SFSWAP: variants seen among roughly 807,000 people sequenced by gnomAD.
The protein encoded by SFSWAP is splicing factor, suppressor of white-apricot homolog.
A neutral mutation model predicts 100.7 loss-of-function variants in SFSWAP; 17 were observed. The observed-to-expected ratio is 0.17, with a 90% CI of 0.12 to 0.25. SFSWAP has a LOEUF of 0.25. Ranked by LOEUF, SFSWAP falls within the 10% of genes least tolerant of loss-of-function variation. SFSWAP has a pLI of 1.00. For missense variants in SFSWAP, 1,005 were observed against 1,262.6 expected (o/e 0.80, Z 3.09); for synonymous variants, 504 against 510.1 (o/e 0.99, Z 0.16).
intron 14 of SFSWAP, among the ~76,000 whole-genome samples, chr12:131,779,952 A>G (rs1397347547): frequency 1.3e-5 from 2 of 151,974 alleles, no homozygotes; most frequent in African/African-American, 2.4e-5. Flanking sequence ...ACGCCCAGCT[A>G]ATTTTGTTTT....
At chr12:131,738,375 A>G (rs926933190) in intron 7 of SFSWAP, among the ~76,000 whole-genome samples, 1 of 152,252 alleles carries the variant, frequency 6.6e-6, no homozygotes, top group Non-Finnish European at 1.5e-5. Flanking sequence ...CACTGAGGTC[A>G]TCGTGCTAAA....
At chr12:131,797,057 C>A in intron 15 of SFSWAP, 121 bp from the exon 16 acceptor site, 1 of 795,994 alleles carries the variant, frequency 1.3e-6, no homozygotes, top group Non-Finnish European at 2.1e-6. Context: ...TGGAGTGGTT[C>A]CGTCCCTGAA....
intron 7 of SFSWAP, among the ~76,000 whole-genome samples, chr12:131,739,131 G>A (rs1325474634): frequency 6.6e-6 from 1 of 151,868 alleles, no homozygotes; most frequent in Non-Finnish European, 1.5e-5. Context: ...ACCCACCTTG[G>A]CCTCCCAAAG....
At chr12:131,798,442 G>C (rs913328194) in intron 16 of SFSWAP, among the ~76,000 whole-genome samples, 5 of 152,186 alleles carry the variant, frequency 3.3e-5, no homozygotes, top group Admixed American at 2.6e-4. Flanking sequence ...TTCTGGGAAG[G>C]CTCCACCGTT....
chr12:131,798,389 C>T (rs950840751), intron 16 of SFSWAP, among the ~76,000 whole-genome samples: 2 of 152,156 alleles, frequency 1.3e-5, no homozygotes, highest in Non-Finnish European at 2.9e-5. Context: ...AGCACACAGA[C>T]GCCTCATGCA....
intron 7 of SFSWAP, among the ~76,000 whole-genome samples, chr12:131,746,797 T>C (rs1452334802): frequency 1.3e-5 from 2 of 152,174 alleles, no homozygotes; most frequent in Admixed American, 1.3e-4. Flanking sequence ...TGCAGGAGCC[T>C]TTGCTGCCAT....
Position 131,725,527 on chromosome 12 carries a change from G to A in SFSWAP, c.729G>A (p.Leu243=), listed in dbSNP as rs1413585108. The part of the protein sequence containing the change: ...KQARNSQFDF[L]RFDHYLNPYY... The stretch of plus-strand genomic sequence containing the variant: ...CCCGGAACTCCCAGTTTGACTTTCT[G>A]CGCTTCGACCACTACCTCAACCCCT... The change falls in exon 5 of 18, where the codon CTG becomes CTA. Residue 243 remains leucine (L), a synonymous_variant. Coordinates refer to ENST00000261674, the MANE Select transcript of SFSWAP (RefSeq NM_004592.4). The surrounding 1 kb of genome is among the most constrained non-coding windows in gnomAD (Gnocchi z 4.3). 10 of 1,614,028 alleles carry A rather than the reference G, an allele frequency of 6.2e-6. No individual in the cohort carries two copies. The East Asian group carries it at 2.2e-4, about 36-fold the overall frequency.
chr12:131,779,341 C>T (rs1278214038), intron 14 of SFSWAP, among the ~76,000 whole-genome samples: 1 of 151,206 alleles, frequency 6.6e-6, no homozygotes, highest in East Asian at 2.0e-4. Flanking sequence ...CTCCACCCTC[C>T]CTCCAGGAGT....
At position 131,711,521 on chromosome 12, in the gene SFSWAP, G is replaced by A. The variant is rs1303655182; in HGVS notation, c.218+74G>A. 3.1e-6 allele frequency: 4 copies of A among 1,271,686 alleles called. No individual in the cohort carries two copies. The highest frequency in any genetic ancestry group is 1.2e-5 in the South Asian group (1 of 80,562). The allele number at this position is 1,271,686 out of a possible 1,614,324, so 78.8% of individuals were successfully genotyped here. A position where few individuals can be genotyped will look rare whatever the true frequency, so the allele number is the denominator to read the frequency against. Reference sequence around the variant, plus strand: ...GATCTCGTCTGATGTTGACTTGACTGCAAGGACTGCAGAGAGTTTTCTGGA... The same window carrying A: ...GATCTCGTCTGATGTTGACTTGACTACAAGGACTGCAGAGAGTTTTCTGGA... On this transcript the variant is annotated intron_variant, in intron 1 of 17. Coordinates refer to ENST00000261674, the MANE Select transcript of SFSWAP (RefSeq NM_004592.4). The surrounding 1 kb of genome is among the most constrained non-coding windows in gnomAD (Gnocchi z 4.9).
At chr12:131,755,879 G>A (rs1051961922) in intron 10 of SFSWAP, among the ~76,000 whole-genome samples, 7 of 152,224 alleles carry the variant, frequency 4.6e-5, no homozygotes, top group African/African-American at 1.7e-4. Flanking sequence ...GCTGGTGCTG[G>A]GGGTGTCCTG....
At chr12:131,741,441 G>A (rs1593135339) in intron 7 of SFSWAP, among the ~76,000 whole-genome samples, 1 of 152,154 alleles carries the variant, frequency 6.6e-6, no homozygotes, top group East Asian at 1.9e-4. Context: ...GTCAAGACCA[G>A]GCTGGGCAAC....
intron 13 of SFSWAP, 91 bp from the exon 14 acceptor site, chr12:131,777,974 G>C (rs1279307512): frequency 6.6e-7 from 1 of 1,523,150 alleles, no homozygotes; most frequent in Middle Eastern, 1.8e-4. Context: ...GTGTTTGTTG[G>C]TGTGAGGGGC....
chr12:131,779,089 G>A (rs765704938), intron 14 of SFSWAP, among the ~76,000 whole-genome samples: 6 of 149,126 alleles, frequency 4.0e-5, no homozygotes, highest in Non-Finnish European at 1.5e-5. Flanking sequence ...CACCGGCACC[G>A]CACTCTGCAC....
chr12:131,736,383 A>G (rs1181738822), intron 7 of SFSWAP, among the ~76,000 whole-genome samples: 2 of 152,212 alleles, frequency 1.3e-5, no homozygotes, highest in Non-Finnish European at 2.9e-5. Context: ...GCCAGCAGTT[A>G]TATTCAATTA....
In SFSWAP at chr12:131,771,650, CTTT is replaced by C. The variant is rs398021691; in HGVS notation, c.2142+5362_2142+5364del. 9.8e-3 allele frequency among the ~76,000 whole-genome samples: 842 copies of C among 86,112 alleles called. 4 individuals carry two copies. The highest frequency in any genetic ancestry group is 0.028 in the African/African-American group (695 of 24,416). 56.5% of individuals were successfully genotyped at this position (86,112 alleles called of 152,430 possible). ...ACACTGAGTCATTTTGCTAATGTCT[CTTT>C]TTTTTTTTTTTTTTTTTTTGAGACG... On this transcript the variant is annotated intron_variant, in intron 13 of 17. Transcript: ENST00000261674.
chr12:131,715,357 G>A (rs1226399226), intron 3 of SFSWAP, among the ~76,000 whole-genome samples: 1 of 152,172 alleles, frequency 6.6e-6, no homozygotes, highest in Non-Finnish European at 1.5e-5. Flanking sequence ...AACTGAGACA[G>A]TGACACATGC....
At position 131,714,774 on chromosome 12, in the gene SFSWAP, CTCAG is replaced by C. The variant is rs1565999402; in HGVS notation, c.389-46_389-43del. 1.3e-6 allele frequency: 2 copies of C among 1,553,024 alleles called. No homozygotes were observed. Among genetic ancestry groups the C allele is most frequent in the South Asian group, 2.2e-5 (2 of 88,948 alleles). On this transcript the variant is annotated intron_variant, in intron 2 of 17. Coordinates refer to ENST00000261674, the MANE Select transcript of SFSWAP (RefSeq NM_004592.4). The surrounding 1 kb of genome is among the most constrained non-coding windows in gnomAD (Gnocchi z 6.0). The stretch of plus-strand genomic sequence containing the variant: ...AACTTTAGAAATATATAAAGTTTTT[CTCAG>C]TAATTTTCTATTTTTGTTGATAAAA...
In SFSWAP at chr12:131,797,706, C is replaced by G. The variant is rs376926149; in HGVS notation, c.2717+346C>G. ...GTAGACCGGGAACTGTCACCAGGTCCCCAGGCTGCCGTGGCTGGAGCAGGT... is the reference window on the plus strand; with the variant it reads ...GTAGACCGGGAACTGTCACCAGGTCGCCAGGCTGCCGTGGCTGGAGCAGGT... On this transcript the variant is annotated intron_variant, in intron 16 of 17. Transcript: ENST00000261674. 9.9e-5 allele frequency among the ~76,000 whole-genome samples: 15 copies of G among 152,226 alleles called. 1 individual carries two copies. The South Asian group carries it at 2.7e-3, about 27-fold the overall frequency.
chr12:131,792,220 A>G (rs1193026918), intron 15 of SFSWAP, among the ~76,000 whole-genome samples: 11 of 148,734 alleles, frequency 7.4e-5, no homozygotes, highest in Non-Finnish European at 1.5e-4. Flanking sequence ...TTCACGGATC[A>G]TTACTGTGTG....
Sources: gnomAD v4.1 joint callset for allele counts (sites outside exome capture counted in the v4.1 genomes callset) on GRCh38, gnomAD v4.1.1 for gene constraint, Gnocchi (gnomAD v3.1) non-coding constraint, MANE v1.5 for transcripts, NCBI Gene and HGNC (gene_info 2026-07-23, HGNC 2026-07-21) for gene names.